Variants in RUNX2 observed in about 807,000 individuals in gnomAD.
The protein encoded by RUNX2 is runt-related transcription factor 2.
Under a neutral mutation model 51.7 loss-of-function variants are expected in RUNX2, and 10 were observed. That is an observed-to-expected ratio of 0.19 (90% CI 0.12 to 0.33). The LOEUF (loss-of-function observed/expected upper bound fraction) is 0.33, where lower values mean the gene tolerates loss of function less well. Among genes scored for constraint, RUNX2 ranks in the 10% least tolerant of loss-of-function variants. The probability of loss-of-function intolerance (pLI) is 1.00; values close to 1 mark genes in which losing one functional copy is unlikely to be tolerated. For synonymous variants in RUNX2, 276 were observed against 273.6 expected, an observed-to-expected ratio of 1.01 and a Z score of -0.09; for missense variants, 562 against 691.3, an observed-to-expected ratio of 0.81 and a Z score of 2.10.
intron 6 of RUNX2, among the ~76,000 whole-genome samples, chr6:45,497,050 C>T (rs1220302210): frequency 6.6e-6 from 1 of 151,990 alleles, no homozygotes; most frequent in Non-Finnish European, 1.5e-5. Context: ...CTGGGGAGCT[C>T]AGAGAAGCAG....
At chr6:45,492,151 T>A in intron 6 of RUNX2, 37 bp downstream of exon 6, 1 of 1,608,572 alleles carries the variant, frequency 6.2e-7, no homozygotes, top group South Asian at 1.1e-5. Context: ...GCATAGACGC[T>A]GGCAGGCTGG....
intron 6 of RUNX2, among the ~76,000 whole-genome samples, chr6:45,503,190 G>A (rs1232815513): frequency 1.3e-5 from 2 of 152,108 alleles, no homozygotes; most frequent in Non-Finnish European, 2.9e-5. Context: ...ATAGTTATAT[G>A]ATTATTTGAT....
intron 2 of RUNX2, chr6:45,421,799 G>C (rs1250066929): frequency 2.0e-5 from 3 of 151,936 alleles, no homozygotes; most frequent in Admixed American, 6.6e-5. Context: ...GCTGCGATTC[G>C]CAGGCTCGAG....
chr6:45,353,885 C>G (rs1284192364), intron 2 of RUNX2, among the ~76,000 whole-genome samples: 1 of 149,438 alleles, frequency 6.7e-6, no homozygotes, highest in African/African-American at 2.5e-5. Flanking sequence ...AAGGTCAGTG[C>G]CTTTAGTATA....
Position 45,422,870 on chromosome 6 carries a change from A to G in RUNX2, c.336A>G (p.Glu112=), listed in dbSNP as rs368995035. ...MVEIIADHPA[E]LVRTDSPNFL... ...AGATCATCGCCGACCACCCGGCCGA[A>G]CTCGTCCGCACCGACAGCCCCAACT... The change falls in exon 3 of 9, where the codon GAA becomes GAG. Residue 112 remains glutamate (E), a synonymous_variant. Transcript: ENST00000647337. 3.7e-5 allele frequency: 60 copies of G among 1,611,808 alleles called. No homozygotes were observed. Among genetic ancestry groups the G allele is most frequent in the Admixed American group, 1.2e-4 (7 of 59,942 alleles).
intron 2 of RUNX2, among the ~76,000 whole-genome samples, chr6:45,395,797 T>C (rs1797569206): frequency 6.6e-6 from 1 of 152,136 alleles, no homozygotes; most frequent in Admixed American, 6.6e-5. Context: ...CCCAAATAGC[T>C]GGGATTACAG....
intron 7 of RUNX2, among the ~76,000 whole-genome samples, chr6:45,525,502 T>C (rs768098374): frequency 6.6e-6 from 1 of 152,226 alleles, no homozygotes; most frequent in Non-Finnish European, 1.5e-5. Context: ...AGCCTCTCTT[T>C]TGAATTTCAG....
chr6:45,400,608 T>TTCTA (rs1797693354), intron 2 of RUNX2, among the ~76,000 whole-genome samples: 1 of 152,244 alleles, frequency 6.6e-6, no homozygotes, highest in South Asian at 2.1e-4. Context: ...TCACCTCTAG[T>TTCTA]TCTAATTCCC....
At chr6:45,497,496 T>A (rs1388306668) in intron 6 of RUNX2, among the ~76,000 whole-genome samples, 1 of 152,204 alleles carries the variant, frequency 6.6e-6, no homozygotes, top group South Asian at 2.1e-4. Flanking sequence ...TAATATGTTA[T>A]TGTATTTCAT....
intron 7 of RUNX2, among the ~76,000 whole-genome samples, chr6:45,527,617 A>G (rs1801710265): frequency 6.6e-6 from 1 of 152,228 alleles, no homozygotes; most frequent in African/African-American, 2.4e-5. Flanking sequence ...TTTAGACACT[A>G]TTATACACCC....
chr6:45,530,418 G>A (rs977461608), intron 7 of RUNX2, among the ~76,000 whole-genome samples: 1 of 152,174 alleles, frequency 6.6e-6, no homozygotes, highest in African/African-American at 2.4e-5. Flanking sequence ...GTAACAAGCA[G>A]GTTAACACTG....
chr6:45,466,275 T>C (rs1451788080), intron 5 of RUNX2, among the ~76,000 whole-genome samples: 1 of 151,698 alleles, frequency 6.6e-6, no homozygotes, highest in East Asian at 1.9e-4. Context: ...ATCCCGCCAT[T>C]GCACTCCAGC....
At chr6:45,512,037 A>G (rs1161492959) in intron 6 of RUNX2, among the ~76,000 whole-genome samples, 1 of 152,048 alleles carries the variant, frequency 6.6e-6, no homozygotes, top group African/African-American at 2.4e-5. Context: ...TTTCATTGAG[A>G]CTCAAAGTCT....
At chr6:45,461,862 G>A (rs1261383044) in intron 5 of RUNX2, among the ~76,000 whole-genome samples, 3 of 151,758 alleles carry the variant, frequency 2.0e-5, no homozygotes, top group South Asian at 4.2e-4. Flanking sequence ...ATGAATTATC[G>A]ATATTAATTG....
At chr6:45,346,791 T>G (rs1190554143) in intron 2 of RUNX2, among the ~76,000 whole-genome samples, 1 of 152,070 alleles carries the variant, frequency 6.6e-6, no homozygotes, top group East Asian at 1.9e-4. Context: ...GGTCTCAAAC[T>G]TGACCTCAGG....
intron 2 of RUNX2, among the ~76,000 whole-genome samples, chr6:45,338,171 C>CTAA (rs933414374): frequency 6.6e-6 from 1 of 152,024 alleles, no homozygotes; most frequent in African/African-American, 2.4e-5. Flanking sequence ...GTTTCAACAG[C>CTAA]TAATGCCTGT....
chr6:45,408,382 T>C (rs1424109018), intron 2 of RUNX2, among the ~76,000 whole-genome samples: 4 of 152,084 alleles, frequency 2.6e-5, no homozygotes, highest in Non-Finnish European at 5.9e-5. Flanking sequence ...GGAGTATATA[T>C]GACTTTGAGG....
At chr6:45,372,826 A>AT (rs760527244) in intron 2 of RUNX2, among the ~76,000 whole-genome samples, 19 of 150,708 alleles carry the variant, frequency 1.3e-4, no homozygotes, top group East Asian at 5.9e-4. Context: ...GCTCAGCTAC[A>AT]TTTTTTTTTG....
intron 3 of RUNX2, among the ~76,000 whole-genome samples, chr6:45,428,921 A>G (rs2150366153): frequency 6.6e-6 from 1 of 151,992 alleles, no homozygotes; most frequent in Middle Eastern, 3.4e-3. Context: ...ACAACATCAA[A>G]GAACATCTCA....
Sources: allele counts gnomAD v4.1 joint callset (sites outside exome capture counted in the v4.1 genomes callset), GRCh38; gene constraint gnomAD v4.1.1; transcripts MANE v1.5; gene names NCBI Gene and HGNC (gene_info 2026-07-23, HGNC 2026-07-21).